Variants in PDE1A observed in about 807,000 individuals in gnomAD.
PDE1A encodes phosphodiesterase 1A.
A neutral mutation model predicts 61.7 loss-of-function variants in PDE1A; 35 were observed. The ratio of observed to expected loss-of-function variants is 0.57; its 90% CI spans 0.43 to 0.75. The LOEUF (loss-of-function observed/expected upper bound fraction) is 0.75. PDE1A is among the 30% of genes least tolerant of loss of function. PDE1A has a pLI of 0.00. For missense variants in PDE1A, 597 were observed against 630.6 expected (o/e 0.95, Z 0.57); for synonymous variants, 232 against 213.2 (o/e 1.09, Z -0.77).
intron 2 of PDE1A, among the ~76,000 whole-genome samples, chr2:182,500,942 A>G (rs1229492951): frequency 6.6e-6 from 1 of 152,202 alleles, no homozygotes; most frequent in Non-Finnish European, 1.5e-5. Context: ...AATGTACATA[A>G]TTTTGTATCA....
At chr2:182,177,963 T>C (rs1301291888) in intron 13 of PDE1A, among the ~76,000 whole-genome samples, 1 of 152,318 alleles carries the variant, frequency 6.6e-6, no homozygotes, top group South Asian at 2.1e-4. Flanking sequence ...TGAATAATAG[T>C]ATTTTAAATA....
At chr2:182,705,592 C>A in the PDE1A span, among the ~76,000 whole-genome samples, 2 of 152,024 alleles carry the variant, frequency 1.3e-5, no homozygotes, top group Non-Finnish European at 2.9e-5. Flanking sequence ...CAGCTCACTG[C>A]AACTGACGCC....
intron 2 of PDE1A, among the ~76,000 whole-genome samples, chr2:182,457,671 T>C (rs1458820110): frequency 6.6e-6 from 1 of 152,074 alleles, no homozygotes; most frequent in East Asian, 1.9e-4. Context: ...TTCATTCTTA[T>C]GTAAGTAAAT....
chr2:182,446,737 A>T (rs903257745), intron 2 of PDE1A, among the ~76,000 whole-genome samples: 1 of 152,096 alleles, frequency 6.6e-6, no homozygotes, highest in Non-Finnish European at 1.5e-5. Context: ...CCCTTCAATG[A>T]TTAAGCAGCC....
At chr2:182,439,943 G>C (rs1229487197) in intron 2 of PDE1A, among the ~76,000 whole-genome samples, 1 of 152,012 alleles carries the variant, frequency 6.6e-6, no homozygotes, top group Non-Finnish European at 1.5e-5. Context: ...TCTTTTGGGA[G>C]GACATGTGTA....
At chr2:182,230,495 G>C (rs567663180) in intron 5 of PDE1A, among the ~76,000 whole-genome samples, 8 of 152,088 alleles carry the variant, frequency 5.3e-5, no homozygotes, top group Non-Finnish European at 8.8e-5. Flanking sequence ...TTAATACAAA[G>C]AGGTTAAAAT....
the PDE1A span, among the ~76,000 whole-genome samples, chr2:182,714,882 C>G: frequency 6.6e-6 from 1 of 152,124 alleles, no homozygotes; most frequent in Non-Finnish European, 1.5e-5. Context: ...AGCATTTACC[C>G]TATTTGTCTA....
chr2:182,354,614 C>T (rs144249203), intron 1 of PDE1A, among the ~76,000 whole-genome samples: 1,900 of 152,182 alleles, frequency 0.012, 24 homozygotes, highest in South Asian at 0.048. Flanking sequence ...ACATCTATGG[C>T]AACAAGTGCT....
intron 2 of PDE1A, among the ~76,000 whole-genome samples, chr2:182,243,464 G>A (rs1690713539): frequency 6.6e-6 from 1 of 152,144 alleles, no homozygotes; most frequent in Non-Finnish European, 1.5e-5. Context: ...ATCAGTATTG[G>A]CATGTTTGAG....
intron 13 of PDE1A, among the ~76,000 whole-genome samples, chr2:182,157,158 G>A (rs890198305): frequency 1.3e-5 from 2 of 151,704 alleles, no homozygotes; most frequent in Non-Finnish European, 2.9e-5. Context: ...GGGATTACAG[G>A]CACACGCCAC....
At chr2:182,457,876 G>A (rs1209656824) in intron 2 of PDE1A, among the ~76,000 whole-genome samples, 1 of 151,884 alleles carries the variant, frequency 6.6e-6, no homozygotes, top group East Asian at 1.9e-4. Context: ...TTTAATGAAG[G>A]GATAAATACT....
chr2:182,542,791 T>C, the PDE1A span, among the ~76,000 whole-genome samples: 1 of 152,204 alleles, frequency 6.6e-6, no homozygotes, highest in Non-Finnish European at 1.5e-5. Flanking sequence ...AACTTGGATG[T>C]TTCTCAGTAT....
intron 2 of PDE1A, among the ~76,000 whole-genome samples, chr2:182,248,458 C>T (rs750907706): frequency 4.6e-5 from 7 of 151,988 alleles, no homozygotes; most frequent in Admixed American, 6.6e-5. Flanking sequence ...AGATGGCAGC[C>T]GGTGAACTGT....
chr2:182,526,330 A>T (rs955132283), upstream of PDE1A, among the ~76,000 whole-genome samples: 1 of 152,216 alleles, frequency 6.6e-6, no homozygotes, highest in African/African-American at 2.4e-5. Context: ...GGACAAAAAA[A>T]TTAGAATTGT....
chr2:182,324,856 G>A (rs981508027), intron 1 of PDE1A, among the ~76,000 whole-genome samples: 4 of 152,120 alleles, frequency 2.6e-5, no homozygotes, highest in Admixed American at 2.0e-4. Flanking sequence ...CTTCAGTCTT[G>A]AGCAATAAGT....
chr2:182,588,849 G>T, the PDE1A span, among the ~76,000 whole-genome samples: 3 of 151,960 alleles, frequency 2.0e-5, no homozygotes, highest in Non-Finnish European at 4.4e-5. Context: ...TTCAAGGCCA[G>T]CTTGGCCAAC....
At chr2:182,626,780 T>C in the PDE1A span, among the ~76,000 whole-genome samples, 6 of 3,308 alleles carry the variant, frequency 1.8e-3, no homozygotes, top group Non-Finnish European at 4.7e-3. Flanking sequence ...TACATATATA[T>C]ACATATATAT....
intron 3 of PDE1A, among the ~76,000 whole-genome samples, chr2:182,235,317 T>C (rs2125665572): frequency 6.6e-6 from 1 of 152,296 alleles, no homozygotes; most frequent in Admixed American, 6.5e-5. Context: ...CTAATTTTTG[T>C]ATTTTCAGTA....
At chr2:182,578,109 G>GA in the PDE1A span, among the ~76,000 whole-genome samples, 4 of 152,316 alleles carry the variant, frequency 2.6e-5, no homozygotes, top group South Asian at 2.1e-4. Flanking sequence ...TCTGAACCAT[G>GA]AGCTTTGGTC....
Sources: gnomAD v4.1 joint callset for allele counts (sites outside exome capture counted in the v4.1 genomes callset) on GRCh38, gnomAD v4.1.1 for gene constraint, MANE v1.5 for transcripts, NCBI Gene and HGNC (gene_info 2026-07-23, HGNC 2026-07-21) for gene names.